The following CDH15 variants were observed in gnomAD, a reference collection of about 807,000 sequenced individuals.
The protein encoded by CDH15 is cadherin-15.
A neutral mutation model predicts 69.4 loss-of-function variants in CDH15; 73 were observed. The ratio of observed to expected loss-of-function variants is 1.05; its 90% confidence interval spans 0.87 to 1.28. The LOEUF (loss-of-function observed/expected upper bound fraction) is 1.28, where lower values mean the gene tolerates loss of function less well. Ranked by LOEUF, CDH15 falls within the 50% of genes most tolerant of loss-of-function variation. CDH15 has a pLI of 0.00. For missense variants in CDH15, 1,343 were observed against 1,133.6 expected (o/e 1.18, Z -2.65); for synonymous variants, 624 against 507.7 (o/e 1.23, Z -3.08).
At chr16:89,177,176 A>G (rs4785579) in intron 1 of CDH15, among the ~76,000 whole-genome samples, 7,116 of 148,438 alleles carry the variant, frequency 0.048, 291 homozygotes, top group East Asian at 0.18. Flanking sequence ...TACACGTGGT[A>G]CCGGTGGGGG....
chr16:89,173,171 G>A (rs1158712029), intron 1 of CDH15, among the ~76,000 whole-genome samples: 1 of 152,112 alleles, frequency 6.6e-6, no homozygotes, highest in African/African-American at 2.4e-5. Flanking sequence ...CTCACCCCCC[G>A]GCCCTCCACC....
At chr16:89,179,722 G>A in intron 2 of CDH15, 148 bp downstream of exon 2, 1 of 816,246 alleles carries the variant, frequency 1.2e-6, no homozygotes, top group Non-Finnish European at 1.9e-6. Context: ...CCAGGGCTCT[G>A]GGCTTCCAAC....
rs370556933 is a variant in CDH15 at position 89,194,936 on chromosome 16, C to T, written c.2226C>T (p.Asp742=). The T allele has an allele frequency of 8.1e-6, 13 of 1,608,298 alleles. No homozygotes were observed. The highest frequency in any genetic ancestry group is 1.6e-4 in the Middle Eastern group (1 of 6,076). ...CCCTCATCTATGACTACGAGGGTGA[C>T]GGCTCGGTGGCGGGGACGCTGAGCT... ...DTALIYDYEG[D]GSVAGTLSSI... is the part of the protein sequence containing the mutation. The change falls in exon 14 of 14, where the codon GAC becomes GAT. Residue 742 remains aspartate (D), a synonymous_variant. Coordinates refer to ENST00000289746, the MANE Select transcript of CDH15 (RefSeq NM_004933.3).
chr16:89,185,576 G>T, intron 5 of CDH15: 1 of 578,244 alleles, frequency 1.7e-6, no homozygotes, highest in Non-Finnish European at 3.1e-6. Context: ...CCGGCACAGG[G>T]CAGGGCTCCC....
intron 11 of CDH15, 94 bp from the exon 12 acceptor site, chr16:89,193,363 TTACCAGCCTTGCC>T: frequency 2.3e-6 from 1 of 426,294 alleles, no homozygotes; most frequent in Non-Finnish European, 4.1e-6. Flanking sequence ...CCACCCCTGC[TTACCAGCCTTGCC>T]CCGCCCCGCC....
At position 89,190,412 on chromosome 16, in the gene CDH15, G is replaced by A; in HGVS notation, c.1148G>A (p.Ser383Asn). 6.2e-7 allele frequency: 1 copy of A among 1,612,124 alleles called. No individual in the cohort carries two copies. Among genetic ancestry groups the A allele is most frequent in the Non-Finnish European group, 8.5e-7 (1 of 1,179,714 alleles). ...TTCCAGGAGAACCCACTTCGGACCA[G>A]CCTAGCAGAGGGGGCACCCCCAGGC... ...PVFQENPLRT[S>N]LAEGAPPGTL... Residue 383 changes from serine to asparagine, a missense_variant, in exon 8 of 14, where the codon AGC (serine) becomes AAC (asparagine). Ser to Asn is a conservative substitution (Grantham distance 46). Coordinates refer to ENST00000289746, the MANE Select transcript of CDH15 (RefSeq NM_004933.3).
At chr16:89,190,183 C>T (rs1739993455) in intron 7 of CDH15, 60 bp from the exon 8 acceptor site, 1 of 1,588,574 alleles carries the variant, frequency 6.3e-7, no homozygotes, top group South Asian at 1.1e-5. Flanking sequence ...CCCATGGCAC[C>T]TGCCCTCGGG....
intron 7 of CDH15, among the ~76,000 whole-genome samples, chr16:89,188,770 GCCCACACACAGA>G (rs1915559123): frequency 1.5e-5 from 2 of 130,948 alleles, no homozygotes; most frequent in African/African-American, 5.9e-5. Context: ...ACACACAGAT[GCCCACACACAGA>G]TGCCCACGCA....
intron 1 of CDH15, among the ~76,000 whole-genome samples, chr16:89,175,983 G>A (rs1915247672): frequency 6.6e-6 from 1 of 152,240 alleles, no homozygotes; most frequent in Admixed American, 6.5e-5. Flanking sequence ...GGCCAGCCCT[G>A]GGCACAGGAC....
Position 89,187,773 on chromosome 16 carries a change from T to C in CDH15, c.792+216T>C, listed in dbSNP as rs796254346. Among the ~76,000 whole-genome samples the C allele has an allele frequency of 3.3e-4, 50 of 152,190 alleles. 2 individuals carry two copies. The highest frequency in any genetic ancestry group is 1.2e-3 in the African/African-American group (49 of 41,522). On this transcript the variant is annotated intron_variant, in intron 6 of 13. Transcript: ENST00000289746. Reference sequence around the variant, plus strand: ...GAGTCAGAGTTGGGAGAGAGGCCCTTGGGGAGAAGCAGCCCATGGGACCCT... The same window carrying C: ...GAGTCAGAGTTGGGAGAGAGGCCCTCGGGGAGAAGCAGCCCATGGGACCCT...
intron 7 of CDH15, among the ~76,000 whole-genome samples, chr16:89,189,985 C>T (rs1040938330): frequency 4.6e-5 from 7 of 152,378 alleles, no homozygotes; most frequent in Middle Eastern, 3.4e-3. Context: ...CATCCCCCAA[C>T]GGCCCTCGCT....
At chr16:89,190,035 C>T (rs556228353) in intron 7 of CDH15, among the ~76,000 whole-genome samples, 1 of 152,330 alleles carries the variant, frequency 6.6e-6, no homozygotes, top group African/African-American at 2.4e-5. Context: ...CTGGGCTGCT[C>T]CCCAACCACC....
Position 89,194,979 on chromosome 16 carries a change from G to A in CDH15, c.2269G>A (p.Gly757Ser), listed in dbSNP as rs1448104137. The A allele has an allele frequency of 3.7e-6, 6 of 1,611,388 alleles. No homozygotes were observed. The highest frequency in any genetic ancestry group is 1.1e-5 in the South Asian group (1 of 90,800). Residue 757 changes from glycine (G) to serine (S), a missense_variant, in exon 14 of 14, where the codon GGC (glycine) becomes AGC (serine). By Grantham distance (56) the Gly-to-Ser change is moderately conservative. Transcript: ENST00000289746. ...GTLSSILSSQ[G>S]DEDQDYDYLR... ...GCTGAGCTCCATCCTGTCCAGCCAGGGCGATGAGGACCAGGACTACGACTA... is the reference window on the plus strand; with the variant it reads ...GCTGAGCTCCATCCTGTCCAGCCAGAGCGATGAGGACCAGGACTACGACTA...
rs73259910 is a variant in CDH15, at chr16:89,178,644, G to A, written c.43-772G>A. On this transcript the variant is annotated intron_variant, in intron 1 of 13. Transcript: ENST00000289746. The stretch of plus-strand genomic sequence containing the variant: ...CCAGCGTTGGCTGCCCAGCCCTGAC[G>A]TGTTGGGACCTGACAGACCAGCAGC... Among the ~76,000 whole-genome samples, 1,346 of 150,432 alleles carry A rather than the reference G, an allele frequency of 8.9e-3. 23 individuals carry two copies. Among genetic ancestry groups the A allele is most frequent in the African/African-American group, 0.031 (1,289 of 41,130 alleles).
rs1029450147 is a variant in CDH15 at position 89,189,822 on chromosome 16, C to T, written c.979-421C>T. Among the ~76,000 whole-genome samples the T allele has an allele frequency of 5.3e-5, 8 of 152,218 alleles. No homozygotes were observed. The East Asian group carries it at 5.8e-4, about 11-fold the overall frequency. On this transcript the variant is annotated intron_variant, in intron 7 of 13. Coordinates refer to ENST00000289746, the MANE Select transcript of CDH15 (RefSeq NM_004933.3). ...CTGGGGTCTGGCTGGGCAGGTCTAA[C>T]GTGCAGACCACAGGCTGGAGCCGAC... is the stretch of plus-strand genomic sequence containing the variant.
intron 10 of CDH15, 72 bp from the exon 11 acceptor site, chr16:89,192,133 T>G: frequency 1.4e-6 from 2 of 1,465,992 alleles, no homozygotes; most frequent in African/African-American, 1.4e-5. Flanking sequence ...CCACCCTGTC[T>G]CGGCGCGAGG....
Position 89,180,181 on chromosome 16 carries a change from C to T in CDH15, c.202-19C>T. On this transcript the variant is annotated intron_variant, in intron 2 of 13. Transcript: ENST00000289746. ...CCCGCCCGGAGCAGCTCTCCCCAAA[C>T]CCATTTCCTGCCCCACAGATCAAGT... The T allele has an allele frequency of 3.7e-6, 6 of 1,609,992 alleles. No individual in the cohort carries two copies. The highest frequency in any genetic ancestry group is 5.1e-6 in the Non-Finnish European group (6 of 1,179,102).
chr16:89,180,985 T>TTTTTTTTTTTTTTTTTG, intron 3 of CDH15, among the ~76,000 whole-genome samples: 1 of 149,168 alleles, frequency 6.7e-6, no homozygotes, highest in Non-Finnish European at 1.5e-5. Context: ...TTTTTTTTTT[T>TTTTTTTTTTTTTTTTTG]TTGAGATGGA....
intron 8 of CDH15, 123 bp from the exon 9 acceptor site, chr16:89,191,207 C>T (rs1915632215): frequency 3.7e-6 from 4 of 1,088,890 alleles, no homozygotes; most frequent in Non-Finnish European, 5.6e-6. Flanking sequence ...TGCATGTGTG[C>T]ATGCATGTGG....
Sources: allele counts gnomAD v4.1 joint callset (sites outside exome capture counted in the v4.1 genomes callset), GRCh38; gene constraint gnomAD v4.1.1; transcripts MANE v1.5; gene names NCBI Gene and HGNC (gene_info 2026-07-23, HGNC 2026-07-21).